PFKFB3: variants seen among roughly 807,000 people sequenced by gnomAD.
The protein encoded by PFKFB3 is 6-phosphofructo-2-kinase/fructose-2,6-bisphosphatase 3.
A neutral mutation model predicts 68.0 loss-of-function variants in PFKFB3; 33 were observed. The ratio of observed to expected loss-of-function variants is 0.49; its 90% confidence interval spans 0.37 to 0.65. PFKFB3 has a LOEUF of 0.65. Among genes scored for constraint, PFKFB3 ranks in the 30% least tolerant of loss-of-function variants. The probability of loss-of-function intolerance (pLI) is 0.00; values close to 1 mark genes in which losing one functional copy is unlikely to be tolerated. For synonymous variants in PFKFB3, 315 were observed against 288.2 expected, an observed-to-expected ratio of 1.09 and a Z score of -0.94; for missense variants, 586 against 712.2, an observed-to-expected ratio of 0.82 and a Z score of 2.02.
downstream of PFKFB3, among the ~76,000 whole-genome samples, chr10:6,236,446 C>T (rs1044051731): frequency 6.6e-6 from 1 of 152,200 alleles, no homozygotes; most frequent in East Asian, 1.9e-4. Flanking sequence ...CGGAGCCCCC[C>T]ACTGCTGCGC....
At chr10:6,231,207 CT>C (rs35890201) in intron 14 of PFKFB3, 15,515 of 939,260 alleles carry the variant, frequency 0.017, no homozygotes, top group Admixed American at 0.022. Flanking sequence ...TAAAGATTTT[CT>C]TTTTTTTTTT....
intron 1 of PFKFB3, among the ~76,000 whole-genome samples, chr10:6,189,461 G>A (rs1373560578): frequency 1.3e-5 from 2 of 151,200 alleles, no homozygotes; most frequent in East Asian, 1.9e-4. Context: ...AGGGATGCTC[G>A]AGTAGTAGTG....
chr10:6,262,029 A>C, the PFKFB3 span, among the ~76,000 whole-genome samples: 1 of 151,246 alleles, frequency 6.6e-6, no homozygotes, highest in African/African-American at 2.4e-5. Flanking sequence ...CAAAAAAAAA[A>C]ACACAAAAAA....
chr10:6,177,410 TCTTTC>T lies in PFKFB3; in HGVS notation c.16+32398_16+32402del, dbSNP rs780223240. ...TTTCTTTCTTTCTTTCTTTCTTTCTTCTTTCTCTTTCTTCCTTTCTTTTCTTTCTC... is the reference window on the plus strand; with the variant it reads ...TTTCTTTCTTTCTTTCTTTCTTTCTTTCTTTCTTCCTTTCTTTTCTTTCTC... On this transcript the variant is annotated intron_variant, in intron 1 of 14. Coordinates refer to the PFKFB3 transcript ENST00000379789. Among the ~76,000 whole-genome samples the T allele has an allele frequency of 9.5e-3, 1,164 of 122,414 alleles. 46 individuals are homozygous for T. Among genetic ancestry groups the T allele is most frequent in the East Asian group, 0.052 (184 of 3,534 alleles). 80.3% of individuals were successfully genotyped at this position (122,414 alleles called of 152,430 possible).
chr10:6,251,510 G>A (rs762973020), intron 14 of PFKFB3, among the ~76,000 whole-genome samples: 11 of 152,346 alleles, frequency 7.2e-5, no homozygotes, highest in Non-Finnish European at 1.2e-4. Flanking sequence ...TCAGTTGGAA[G>A]CAAAACTATT....
chr10:6,302,531 G>GCA, the PFKFB3 span, among the ~76,000 whole-genome samples: 1 of 149,524 alleles, frequency 6.7e-6, no homozygotes, highest in Non-Finnish European at 1.5e-5. Flanking sequence ...ACAGGTGCCT[G>GCA]CCACCACACC....
chr10:6,207,142 G>C (rs1416174482), intron 1 of PFKFB3, among the ~76,000 whole-genome samples: 1 of 152,222 alleles, frequency 6.6e-6, no homozygotes, highest in Non-Finnish European at 1.5e-5. Flanking sequence ...CCCCAGCCTG[G>C]GCACCATTGA....
Position 6,220,457 on chromosome 10 carries a change from G to A in PFKFB3, c.624-201G>A, listed in dbSNP as rs185037130. 1.3e-5 allele frequency among the ~76,000 whole-genome samples: 2 copies of A among 152,124 alleles called. No individual in the cohort carries two copies. The highest frequency in any genetic ancestry group is 4.8e-5 in the African/African-American group (2 of 41,402). ...TTTCTCCCCCTTTTCTGGGAGGCAG[G>A]CCAGCCTCACAGCCAGACACCAGCT... On this transcript the variant is annotated intron_variant, in intron 7 of 14. Transcript: ENST00000379775. The surrounding 1 kb of genome is among the most constrained non-coding windows in gnomAD (Gnocchi z 4.1).
At chr10:6,285,267 CTTG>C in the PFKFB3 span, among the ~76,000 whole-genome samples, 1 of 147,956 alleles carries the variant, frequency 6.8e-6, no homozygotes, top group African/African-American at 2.5e-5. Context: ...GAGTTTCACT[CTTG>C]TTGCCCAGGC....
the PFKFB3 span, among the ~76,000 whole-genome samples, chr10:6,291,822 T>C: frequency 6.6e-6 from 1 of 152,128 alleles, no homozygotes; most frequent in Non-Finnish European, 1.5e-5. Flanking sequence ...GTCTGGATGC[T>C]TAACACAGTT....
chr10:6,317,224 A>G, the PFKFB3 span, among the ~76,000 whole-genome samples: 7 of 152,196 alleles, frequency 4.6e-5, no homozygotes, highest in Non-Finnish European at 8.8e-5. Context: ...AGCAAGGGGC[A>G]ATGGTTGCAA....
chr10:6,174,535 G>A (rs1033094922), intron 1 of PFKFB3, among the ~76,000 whole-genome samples: 1 of 152,222 alleles, frequency 6.6e-6, no homozygotes, highest in Non-Finnish European at 1.5e-5. Context: ...GGCCCCCGCC[G>A]AGAAAGCCAG....
Position 6,185,401 on chromosome 10 carries a change from A to G in PFKFB3, c.17-28222A>G, listed in dbSNP as rs151227520. ...ATTGATAACTTCACATGAGGCTTAC[A>G]TTCTTTTCTGAAAACACGTTTTCAC... On this transcript the variant is annotated intron_variant, in intron 1 of 14. Transcript: ENST00000379789. 5.9e-3 allele frequency among the ~76,000 whole-genome samples: 904 copies of G among 152,330 alleles called. 4 individuals are homozygous for G. The highest frequency in any genetic ancestry group is 0.012 in the African/African-American group (498 of 41,576).
rs373821395 is a variant in PFKFB3, at chr10:6,231,527, G to A, written c.1516-1368G>A. On this transcript the variant is annotated intron_variant, in intron 14 of 14. Coordinates refer to ENST00000379775, the MANE Select transcript of PFKFB3 (RefSeq NM_004566.4). Reference sequence around the variant, plus strand: ...TGGGTGAAGGACGTGGACATCACCCGGTCTTGCAGGCTCTCCACTGTTATT... The same window carrying A: ...TGGGTGAAGGACGTGGACATCACCCAGTCTTGCAGGCTCTCCACTGTTATT... 28 of 985,362 alleles carry A rather than the reference G, an allele frequency of 2.8e-5. 1 individual carries two copies. The East Asian group carries it at 1.4e-3, about 48-fold the overall frequency. The allele number at this position is 985,362 out of a possible 1,614,324, so 61.0% of individuals were successfully genotyped here. A position where few individuals can be genotyped will look rare whatever the true frequency, so the allele number is the denominator to read the frequency against.
intron 14 of PFKFB3, among the ~76,000 whole-genome samples, chr10:6,247,071 A>C (rs60777201): frequency 6.6e-6 from 1 of 152,214 alleles, no homozygotes; most frequent in Non-Finnish European, 1.5e-5. Flanking sequence ...CAAGGGCAAC[A>C]TTGGCTTCAT....
chr10:6,251,681 G>C (rs1846384889), intron 14 of PFKFB3, among the ~76,000 whole-genome samples: 1 of 152,142 alleles, frequency 6.6e-6, no homozygotes, highest in Admixed American at 6.6e-5. Flanking sequence ...ACAAATAAGA[G>C]AGGCCTTGGC....
At chr10:6,217,093 CG>C (rs1844633602) in intron 5 of PFKFB3, 41 bp from the exon 6 acceptor site, 1 of 1,593,016 alleles carries the variant, frequency 6.3e-7, no homozygotes, top group African/African-American at 1.3e-5. Flanking sequence ...GTTGATCCTT[CG>C]TGGTGTTTGT....
chr10:6,180,083 G>C (rs646222), intron 1 of PFKFB3, among the ~76,000 whole-genome samples: 149,642 of 152,188 alleles, frequency 0.98, 73,618 homozygotes, highest in East Asian at 1. Flanking sequence ...TGGCGCTCGC[G>C]TGTAATCCCA....
chr10:6,241,670 T>C (rs2132074210), intron 14 of PFKFB3, among the ~76,000 whole-genome samples: 1 of 152,270 alleles, frequency 6.6e-6, no homozygotes, highest in East Asian at 1.9e-4. Flanking sequence ...CATCTCAACA[T>C]ACAAAAACTA....
Sources: gnomAD v4.1 joint callset for allele counts (sites outside exome capture counted in the v4.1 genomes callset) on GRCh38, gnomAD v4.1.1 for gene constraint, Gnocchi (gnomAD v3.1) non-coding constraint, MANE v1.5 for transcripts, NCBI Gene and HGNC (gene_info 2026-07-23, HGNC 2026-07-21) for gene names.